Variants in ACACB observed in about 807,000 individuals in gnomAD.
ACACB encodes acetyl-CoA carboxylase 2.
Under a neutral mutation model 278.8 loss-of-function variants are expected in ACACB, and 209 were observed. The observed-to-expected ratio is 0.75, with a 90% CI of 0.67 to 0.84. The LOEUF (loss-of-function observed/expected upper bound fraction) is 0.84. ACACB is among the 40% of genes least tolerant of loss of function. The pLI is 0.00. For missense variants in ACACB, 2,850 were observed against 3,269.0 expected, an observed-to-expected ratio of 0.87 and a Z score of 3.13; for synonymous variants, 1,174 against 1,285.6, an observed-to-expected ratio of 0.91 and a Z score of 1.86.
chr12:109,164,455 C>T (rs1350674201), intron 2 of ACACB, among the ~76,000 whole-genome samples: 1 of 152,048 alleles, frequency 6.6e-6, no homozygotes, highest in Non-Finnish European at 1.5e-5. Flanking sequence ...TGGTCTCAAA[C>T]TCCTGACCTC....
At chr12:109,191,557 ACT>A in intron 13 of ACACB, 54 bp from the exon 14 acceptor site, 1 of 1,598,860 alleles carries the variant, frequency 6.3e-7, no homozygotes, top group Non-Finnish European at 8.5e-7. Context: ...CATTGCAGCA[ACT>A]CTGTTGATGT....
In ACACB at chr12:109,247,683, C is replaced by T. The variant is rs552688433; in HGVS notation, c.5649C>T (p.Ile1883=). 68 of 1,613,580 alleles carry T rather than the reference C, an allele frequency of 4.2e-5. No homozygotes were observed. The highest frequency in any genetic ancestry group is 2.9e-4 in the African/African-American group (22 of 75,018). ...SSLNSVHCKH[I]EEGGESRYMI... is the part of the protein sequence containing the mutation. Reference sequence around the variant, plus strand: ...TGAACTCCGTCCACTGTAAACACATCGAGGAAGGAGGAGAGTCCAGGTAAA... The same window carrying T: ...TGAACTCCGTCCACTGTAAACACATTGAGGAAGGAGGAGAGTCCAGGTAAA... The change falls in exon 40 of 53, where the codon ATC becomes ATT. Residue 1883 remains isoleucine (I), a synonymous_variant. Coordinates refer to ENST00000338432, the MANE Select transcript of ACACB (RefSeq NM_001093.4).
intron 17 of ACACB, among the ~76,000 whole-genome samples, chr12:109,198,786 A>AT (rs566012613): frequency 0.012 from 1,810 of 146,010 alleles, 36 homozygotes; most frequent in African/African-American, 0.037. Flanking sequence ...ACGCCCAGCT[A>AT]TTTTTTTTTT....
At chr12:109,236,244 T>C (rs1207099909) in intron 33 of ACACB, 2 of 152,814 alleles carry the variant, frequency 1.3e-5, no homozygotes, top group Non-Finnish European at 2.9e-5. Flanking sequence ...TCTGGGATTG[T>C]ATTTCCATTG....
chr12:109,156,587 G>GT (rs10616119), intron 2 of ACACB, among the ~76,000 whole-genome samples: 486 of 131,654 alleles, frequency 3.7e-3, no homozygotes, highest in African/African-American at 8.4e-3. Context: ...GTTTCTCTCT[G>GT]TTTTTTTTTT....
intron 11 of ACACB, among the ~76,000 whole-genome samples, chr12:109,184,173 C>T (rs569864764): frequency 6.6e-6 from 1 of 152,138 alleles, no homozygotes; most frequent in African/African-American, 2.4e-5. Flanking sequence ...CTGCCTCAGC[C>T]TCCCGAGTAG....
At chr12:109,177,961 A>G (rs2136213321) in intron 9 of ACACB, among the ~76,000 whole-genome samples, 1 of 152,226 alleles carries the variant, frequency 6.6e-6, no homozygotes, top group African/African-American at 2.4e-5. Context: ...AAGCTTTTTT[A>G]TTTTACTTAT....
chr12:109,246,471 C>T, intron 39 of ACACB, 23 bp downstream of exon 39: 1 of 1,602,722 alleles, frequency 6.2e-7, no homozygotes, highest in Non-Finnish European at 8.5e-7. Context: ...ACTGGCGGGG[C>T]AGGGTGATTC....
At chr12:109,244,060 A>G (rs1427148535) in intron 37 of ACACB, among the ~76,000 whole-genome samples, 2 of 152,148 alleles carry the variant, frequency 1.3e-5, no homozygotes, top group Non-Finnish European at 2.9e-5. Flanking sequence ...CAGCCTACAG[A>G]ATGGGAGAAA....
At chr12:109,222,777 G>T in intron 25 of ACACB, 22 bp from the exon 26 acceptor site, 1 of 1,598,340 alleles carries the variant, frequency 6.3e-7, no homozygotes, top group Non-Finnish European at 8.6e-7. Context: ...TCACGCCAGC[G>T]CCCCCATCCC....
chr12:109,135,495 C>T (rs1230471927), intron 1 of ACACB, among the ~76,000 whole-genome samples: 1 of 151,790 alleles, frequency 6.6e-6, no homozygotes, highest in Admixed American at 6.6e-5. Context: ...TGATAGCATC[C>T]TATGATTCAC....
intron 34 of ACACB, among the ~76,000 whole-genome samples, chr12:109,239,176 A>G (rs962969318): frequency 6.6e-6 from 1 of 152,064 alleles, no homozygotes; most frequent in African/African-American, 2.4e-5. Context: ...GGCCTCCCAA[A>G]GTGCTGGGAT....
intron 12 of ACACB, among the ~76,000 whole-genome samples, chr12:109,187,000 C>T (rs139683850): frequency 2.6e-5 from 4 of 151,762 alleles, no homozygotes; most frequent in African/African-American, 7.3e-5. Flanking sequence ...GGAGACGGGC[C>T]GTTCTCCCAG....
chr12:109,216,742 G>A (rs112179698), intron 23 of ACACB, 36 bp downstream of exon 23: 2 of 1,614,012 alleles, frequency 1.2e-6, no homozygotes, highest in South Asian at 2.2e-5. Context: ...GTGGGATGGT[G>A]GGGGGCGTGA....
intron 24 of ACACB, among the ~76,000 whole-genome samples, chr12:109,218,406 T>C (rs1009923535): frequency 6.6e-6 from 1 of 151,970 alleles, no homozygotes; most frequent in African/African-American, 2.4e-5. Context: ...GTTTGTTTTG[T>C]AGAGATGAGG....
intron 13 of ACACB, among the ~76,000 whole-genome samples, chr12:109,188,693 T>C (rs910870796): frequency 3.1e-4 from 47 of 152,164 alleles, no homozygotes; most frequent in African/African-American, 1.1e-3. Flanking sequence ...AAGTTCAAGA[T>C]CAAAGCCTGC....
chr12:109,252,108 G>A lies in ACACB; in HGVS notation c.5853G>A (p.Gln1951=). 1 of 1,613,504 alleles carries A rather than the reference G, an allele frequency of 6.2e-7. No homozygotes were observed. The highest frequency in any genetic ancestry group is 8.5e-7 in the Non-Finnish European group (1 of 1,179,784). ...YLVRLGQRVI[Q]VENSHIILTG... ...TGAGGCTGGGCCAGCGAGTGATCCAGGTGGAGAATTCCCACATCATCCTCA... is the reference window on the plus strand; with the variant it reads ...TGAGGCTGGGCCAGCGAGTGATCCAAGTGGAGAATTCCCACATCATCCTCA... The change falls in exon 42 of 53, where the codon CAG becomes CAA. Residue 1951 remains glutamine, a synonymous_variant. Transcript: ENST00000338432.
rs2136166346 is a variant in ACACB at position 109,168,036 on chromosome 12, T to C, written c.925+2T>C. ...CCGAGGACCTTAAGGCCAACGCAGGTACCTGGGCCTTGACCCTCTCCTCCC... is the reference window on the plus strand; with the variant it reads ...CCGAGGACCTTAAGGCCAACGCAGGCACCTGGGCCTTGACCCTCTCCTCCC... On this transcript the variant is annotated splice_donor_variant, in intron 4 of 52. Transcript: ENST00000338432. LOFTEE classifies it high-confidence loss of function. The C allele has an allele frequency of 6.2e-7, 1 of 1,603,620 alleles. No individual in the cohort carries two copies. Among genetic ancestry groups the C allele is most frequent in the Non-Finnish European group, 8.5e-7 (1 of 1,173,990 alleles).
At chr12:109,134,194 GAACA>G (rs1415943136) in intron 1 of ACACB, among the ~76,000 whole-genome samples, 1 of 152,142 alleles carries the variant, frequency 6.6e-6, no homozygotes, top group Non-Finnish European at 1.5e-5. Context: ...CGGTCAGGGA[GAACA>G]GACAACCGAA....
Sources: gnomAD v4.1 joint callset for allele counts (sites outside exome capture counted in the v4.1 genomes callset) on GRCh38, gnomAD v4.1.1 for gene constraint, MANE v1.5 for transcripts, NCBI Gene and HGNC (gene_info 2026-07-23, HGNC 2026-07-21) for gene names.